Variants in DCC observed in about 807,000 individuals in gnomAD.
DCC encodes netrin receptor DCC.
A neutral mutation model predicts 172.5 loss-of-function variants in DCC; 58 were observed. That is an observed-to-expected ratio of 0.34 (90% CI 0.27 to 0.42). The LOEUF (loss-of-function observed/expected upper bound fraction) is 0.42, where lower values mean the gene tolerates loss of function less well. Ranked by LOEUF, DCC falls within the 10% of genes least tolerant of loss-of-function variation. The pLI, the probability that DCC is intolerant of heterozygous loss-of-function variation, is 1.00. For missense variants in DCC, 1,740 were observed against 1,791.0 expected (o/e 0.97, Z 0.51); for synonymous variants, 709 against 644.5 (o/e 1.10, Z -1.52).
At chr18:52,610,056 G>C (rs564661965) in intron 1 of DCC, among the ~76,000 whole-genome samples, 5 of 145,980 alleles carry the variant, frequency 3.4e-5, no homozygotes, top group African/African-American at 1.3e-4. Context: ...GCTTACACCT[G>C]TAATCCCAAC....
At chr18:52,754,083 C>T (rs921272043) in intron 2 of DCC, 2 of 152,060 alleles carry the variant, frequency 1.3e-5, no homozygotes, top group African/African-American at 4.8e-5. Flanking sequence ...TTCCCAGGTC[C>T]TACTTAGTCT....
In DCC at chr18:53,206,271, A is replaced by G. The variant is rs185135976; in HGVS notation, c.1722+907A>G. Reference sequence around the variant, plus strand: ...TACATATATACCACATATATGTATTATAACACATATATACCACATATATGT... The same window carrying G: ...TACATATATACCACATATATGTATTGTAACACATATATACCACATATATGT... On this transcript the variant is annotated intron_variant, in intron 10 of 28. Coordinates refer to ENST00000442544, the MANE Select transcript of DCC (RefSeq NM_005215.4). Among the ~76,000 whole-genome samples the G allele has an allele frequency of 1.9e-3, 260 of 134,284 alleles. 8 individuals are homozygous for G. The highest frequency in any genetic ancestry group is 6.5e-3 in the African/African-American group (237 of 36,642). The allele number at this position is 134,284 out of a possible 152,430, so 88.1% of individuals were successfully genotyped here. A position where few individuals can be genotyped will look rare whatever the true frequency, so the allele number is the denominator to read the frequency against.
intron 1 of DCC, among the ~76,000 whole-genome samples, chr18:52,479,130 A>T (rs1230794364): frequency 6.6e-6 from 1 of 152,170 alleles, no homozygotes; most frequent in African/African-American, 2.4e-5. Context: ...GTGAAAGTTA[A>T]ATGATATGGA....
intron 2 of DCC, among the ~76,000 whole-genome samples, chr18:52,767,027 G>A (rs1399980454): frequency 2.0e-5 from 3 of 151,746 alleles, no homozygotes; most frequent in Admixed American, 6.6e-5. Flanking sequence ...TCTATGTGGG[G>A]ACACATATCC....
rs190343632 is a variant in DCC at position 52,407,329 on chromosome 18, C to G, written c.91+66451C>G. Among the ~76,000 whole-genome samples the G allele has an allele frequency of 1.2e-3, 189 of 152,052 alleles. 4 individuals carry two copies. Among genetic ancestry groups the G allele is most frequent in the African/African-American group, 4.2e-3 (174 of 41,494 alleles). On this transcript the variant is annotated intron_variant, in intron 1 of 28. Coordinates refer to ENST00000442544, the MANE Select transcript of DCC (RefSeq NM_005215.4). ...GATAGTTTTACTAGAAACAGTAAAACAAAAGATGAAAGATATGTTGAGTAA... is the reference window on the plus strand; with the variant it reads ...GATAGTTTTACTAGAAACAGTAAAAGAAAAGATGAAAGATATGTTGAGTAA...
At chr18:52,957,440 G>C (rs1358631207) in intron 5 of DCC, among the ~76,000 whole-genome samples, 1 of 151,944 alleles carries the variant, frequency 6.6e-6, no homozygotes, top group Admixed American at 6.6e-5. Context: ...TTTTTCAGCA[G>C]AACAAAGGAA....
intron 18 of DCC, among the ~76,000 whole-genome samples, chr18:53,401,577 C>A (rs187199589): frequency 7.3e-6 from 1 of 137,716 alleles, no homozygotes; most frequent in Non-Finnish European, 1.7e-5. Context: ...AACAGAAGTA[C>A]GAAAGAGAAT....
chr18:52,726,570 AT>A (rs987672066), intron 1 of DCC, among the ~76,000 whole-genome samples: 4 of 152,122 alleles, frequency 2.6e-5, no homozygotes, highest in African/African-American at 9.7e-5. Flanking sequence ...ATTTGGAAAT[AT>A]TTTTAAGGCA....
intron 1 of DCC, among the ~76,000 whole-genome samples, chr18:52,684,992 A>T (rs1482516300): frequency 6.6e-6 from 1 of 151,798 alleles, no homozygotes; most frequent in Admixed American, 6.6e-5. Context: ...TCCAATTCCT[A>T]TTTTTTTTAC....
At chr18:52,779,341 T>C (rs2037490436) in intron 2 of DCC, among the ~76,000 whole-genome samples, 1 of 152,084 alleles carries the variant, frequency 6.6e-6, no homozygotes, top group Admixed American at 6.6e-5. Context: ...TGTTTGACGT[T>C]CCCCTCCCTG....
intron 25 of DCC, among the ~76,000 whole-genome samples, chr18:53,480,123 C>T (rs1327351386): frequency 6.6e-6 from 1 of 152,154 alleles, no homozygotes; most frequent in Non-Finnish European, 1.5e-5. Context: ...TATATCTGGG[C>T]TTCATAGACA....
intron 1 of DCC, among the ~76,000 whole-genome samples, chr18:52,468,304 C>CA (rs1988846487): frequency 6.6e-6 from 1 of 152,116 alleles, no homozygotes; most frequent in Admixed American, 6.5e-5. Flanking sequence ...GTAGTAACCA[C>CA]AAAAAATTGT....
At chr18:52,793,694 T>C (rs1055532997) in intron 2 of DCC, among the ~76,000 whole-genome samples, 5 of 152,196 alleles carry the variant, frequency 3.3e-5, no homozygotes, top group Admixed American at 6.5e-5. Flanking sequence ...TATAAAGTCT[T>C]GGCCATAAAA....
intron 8 of DCC, among the ~76,000 whole-genome samples, chr18:53,165,847 C>T (rs2054911163): frequency 6.6e-6 from 1 of 152,148 alleles, no homozygotes; most frequent in Non-Finnish European, 1.5e-5. Context: ...TGTATAACCA[C>T]ACACTTAGTT....
At chr18:53,442,907 T>G (rs1160261036) in intron 22 of DCC, among the ~76,000 whole-genome samples, 1 of 152,206 alleles carries the variant, frequency 6.6e-6, no homozygotes, top group Non-Finnish European at 1.5e-5. Context: ...CTAAGTCTCT[T>G]CAATTCTGTG....
At chr18:53,133,514 TTTA>T (rs2043690978) in intron 7 of DCC, among the ~76,000 whole-genome samples, 1 of 152,192 alleles carries the variant, frequency 6.6e-6, no homozygotes, top group African/African-American at 2.4e-5. Flanking sequence ...ACATGTGTGT[TTTA>T]TTCCTTTCTT....
chr18:53,301,054 G>T, intron 12 of DCC, among the ~76,000 whole-genome samples: 1 of 106,654 alleles, frequency 9.4e-6, no homozygotes, highest in African/African-American at 3.4e-5. Context: ...TTCCTTTCCT[G>T]TCCTTTCCTC....
intron 2 of DCC, among the ~76,000 whole-genome samples, chr18:52,847,537 A>G (rs1475742406): frequency 6.6e-6 from 1 of 152,218 alleles, no homozygotes; most frequent in Non-Finnish European, 1.5e-5. Flanking sequence ...AAAGCCATCA[A>G]ACTTTGCATC....
intron 28 of DCC, among the ~76,000 whole-genome samples, chr18:53,528,152 G>A (rs144088541): frequency 6.6e-6 from 1 of 152,062 alleles, no homozygotes; most frequent in East Asian, 1.9e-4. Context: ...TTGATATCTG[G>A]TTGTTGTTAA....
Sources: gnomAD v4.1 joint callset for allele counts (sites outside exome capture counted in the v4.1 genomes callset) on GRCh38, gnomAD v4.1.1 for gene constraint, MANE v1.5 for transcripts, NCBI Gene and HGNC (gene_info 2026-07-23, HGNC 2026-07-21) for gene names.